The following SP140L variants were observed in gnomAD, a reference collection of about 807,000 sequenced individuals.
The protein encoded by SP140L is SP140 like nuclear body protein, also known as nuclear body protein SP140-like protein.
In SP140L, 64 loss-of-function variants were observed where a neutral mutation model predicts 84.3. The ratio of observed to expected loss-of-function variants is 0.76; its 90% CI spans 0.62 to 0.94. The LOEUF (loss-of-function observed/expected upper bound fraction) is 0.94, where lower values mean the gene tolerates loss of function less well. SP140L is among the 40% of genes least tolerant of loss of function. The probability of loss-of-function intolerance (pLI) is 0.00; values close to 1 mark genes in which losing one functional copy is unlikely to be tolerated. For missense variants in SP140L, 628 were observed against 692.5 expected, an observed-to-expected ratio of 0.91 and a Z score of 1.05; for synonymous variants, 242 against 236.9, an observed-to-expected ratio of 1.02 and a Z score of -0.20.
intron 7 of SP140L, among the ~76,000 whole-genome samples, chr2:230,379,578 C>T (rs1348537385): frequency 1.3e-5 from 2 of 151,564 alleles, no homozygotes; most frequent in South Asian, 2.1e-4. Flanking sequence ...ATGTACTCAC[C>T]ATTGTTCTTT....
rs145218877 is a variant in SP140L, at chr2:230,335,753, G to A, written c.107+6922G>A. On this transcript the variant is annotated intron_variant, in intron 2 of 18. Transcript: ENST00000415673. ...AACACTAGGATGATTGGAGAGGGAC[G>A]GTGTGAAGTCCAGCTCTGCCACTGC... Among the ~76,000 whole-genome samples the A allele has an allele frequency of 6.0e-3, 911 of 152,216 alleles. 5 individuals are homozygous for A. Among genetic ancestry groups the A allele is most frequent in the African/African-American group, 0.021 (858 of 41,534 alleles).
chr2:230,367,959 T>A (rs2060940799), intron 5 of SP140L, among the ~76,000 whole-genome samples: 1 of 152,186 alleles, frequency 6.6e-6, no homozygotes, highest in Non-Finnish European at 1.5e-5. Flanking sequence ...TAGGTATTAT[T>A]TTTAAGTTTT....
chr2:230,403,165 G>T lies in SP140L; in HGVS notation c.*269G>T. ...ACAGACTCTCACCTCTTCTCCTGAGGTCTGCTCCAGACAACATTTATTACT... is the reference window on the plus strand; with the variant it reads ...ACAGACTCTCACCTCTTCTCCTGAGTTCTGCTCCAGACAACATTTATTACT... On this transcript the variant is annotated 3_prime_UTR_variant, in exon 19 of 19. Transcript: ENST00000415673. 2.8e-6 allele frequency: 1 copy of T among 357,332 alleles called. No homozygotes were observed. The highest frequency in any genetic ancestry group is 5.0e-6 in the Non-Finnish European group (1 of 200,310). The allele number at this position is 357,332 out of a possible 1,614,324, so 22.1% of individuals were successfully genotyped here. A position where few individuals can be genotyped will look rare whatever the true frequency, so the allele number is the denominator to read the frequency against.
intron 8 of SP140L, among the ~76,000 whole-genome samples, chr2:230,384,943 A>C (rs986344746): frequency 6.6e-6 from 1 of 152,150 alleles, no homozygotes; most frequent in African/African-American, 2.4e-5. Context: ...AAAAAACAAG[A>C]ATGGGTGTTT....
chr2:230,354,787 G>A (rs1187785851), intron 2 of SP140L, among the ~76,000 whole-genome samples: 1 of 141,260 alleles, frequency 7.1e-6, no homozygotes, highest in African/African-American at 2.7e-5. Flanking sequence ...AGAAGGGGTG[G>A]GGGCGGGGGA....
rs73998794 is a variant in SP140L at position 230,368,977 on chromosome 2, G to T, written c.524-1931G>T. Among the ~76,000 whole-genome samples the T allele has an allele frequency of 9.5e-3, 1,452 of 152,266 alleles. 17 individuals carry two copies. Among genetic ancestry groups the T allele is most frequent in the African/African-American group, 0.03 (1,246 of 41,564 alleles). ...TCATTGCTTTGGGGTGAGCTATGAG[G>T]AGATTATTGTGTCTTTTTGATGGTG... is the stretch of plus-strand genomic sequence containing the variant. On this transcript the variant is annotated intron_variant, in intron 5 of 18. Coordinates refer to ENST00000415673, the MANE Select transcript of SP140L (RefSeq NM_138402.6).
intron 5 of SP140L, among the ~76,000 whole-genome samples, chr2:230,370,320 C>A (rs1001224852): frequency 2.6e-5 from 4 of 152,164 alleles, no homozygotes; most frequent in Admixed American, 2.6e-4. Flanking sequence ...ACTGGGAACT[C>A]TTCTCTGGTC....
chr2:230,354,874 AAAGAAAG>A (rs1189126739), intron 2 of SP140L, among the ~76,000 whole-genome samples: 15 of 140,816 alleles, frequency 1.1e-4, no homozygotes, highest in African/African-American at 3.7e-4. Flanking sequence ...AGAAAGAAAG[AAAGAAAG>A]AAAGAAAGAA....
At position 230,360,588 on chromosome 2, in the gene SP140L, G is replaced by A. The variant is rs564063223; in HGVS notation, c.440-1026G>A. On this transcript the variant is annotated intron_variant, in intron 4 of 18. Transcript: ENST00000415673. ...ATGGTCCAGGCTGCGGGGATGAAGG[G>A]AATAGTGTTACATTTACTGCCCACA... 2.0e-4 allele frequency among the ~76,000 whole-genome samples: 31 copies of A among 152,310 alleles called. No homozygotes were observed. The Middle Eastern group carries it at 0.01, about 50-fold the overall frequency.
At chr2:230,332,534 T>C (rs1559400252) in intron 2 of SP140L, among the ~76,000 whole-genome samples, 1 of 152,240 alleles carries the variant, frequency 6.6e-6, no homozygotes, top group African/African-American at 2.4e-5. Flanking sequence ...TCGTAATACA[T>C]CACAGTTTGA....
Position 230,401,907 on chromosome 2 carries a change from G to T in SP140L, c.1644+100G>T, listed in dbSNP as rs547734237. ...GTTTCCCTCATCCTGTAATAAGCTT[G>T]CACGAGCAAGGGTTCTGGAAGTGAT... On this transcript the variant is annotated intron_variant, in intron 18 of 18. Coordinates refer to ENST00000415673, the MANE Select transcript of SP140L (RefSeq NM_138402.6). 23 of 1,276,524 alleles carry T rather than the reference G, an allele frequency of 1.8e-5. No individual in the cohort carries two copies. In the Admixed American group the frequency reaches 4.8e-4, roughly 27 times the overall value. The allele number at this position is 1,276,524 out of a possible 1,614,324, so 79.1% of individuals were successfully genotyped here.
intron 7 of SP140L, among the ~76,000 whole-genome samples, chr2:230,372,959 G>C (rs947257995): frequency 6.6e-6 from 1 of 152,194 alleles, no homozygotes; most frequent in African/African-American, 2.4e-5. Context: ...TCTTATTGCT[G>C]ATGTGGAGAA....
chr2:230,384,263 G>A (rs915231018), intron 8 of SP140L, among the ~76,000 whole-genome samples: 4 of 152,132 alleles, frequency 2.6e-5, no homozygotes. Flanking sequence ...GAGAATATTT[G>A]TTAACAAATC....
At chr2:230,363,006 G>T (rs914058239) in intron 5 of SP140L, among the ~76,000 whole-genome samples, 1 of 152,086 alleles carries the variant, frequency 6.6e-6, no homozygotes, top group Admixed American at 6.5e-5. Context: ...TGGTGTAAAC[G>T]CACATAAGGA....
chr2:230,336,296 A>G (rs1008183346), intron 2 of SP140L, among the ~76,000 whole-genome samples: 1 of 152,154 alleles, frequency 6.6e-6, no homozygotes, highest in Non-Finnish European at 1.5e-5. Context: ...TCTTTGTTAC[A>G]TTCTTATCTG....
chr2:230,394,444 G>A (rs1039007162), intron 13 of SP140L, among the ~76,000 whole-genome samples: 2 of 152,180 alleles, frequency 1.3e-5, no homozygotes, highest in Admixed American at 6.5e-5. Flanking sequence ...CTGAGATCCA[G>A]GCCTTTACAT....
chr2:230,385,170 T>G, intron 8 of SP140L, 54 bp from the exon 9 acceptor site: 434 of 1,578,824 alleles, frequency 2.7e-4, no homozygotes, highest in Non-Finnish European at 3.3e-4. Context: ...GTCCAGCCTG[T>G]GAGCTGTTGT....
At chr2:230,375,874 T>G (rs2061227027) in intron 7 of SP140L, among the ~76,000 whole-genome samples, 1 of 152,214 alleles carries the variant, frequency 6.6e-6, no homozygotes, top group South Asian at 2.1e-4. Context: ...TTTTCATTTT[T>G]AAAATTATTT....
intron 12 of SP140L, 105 bp from the exon 13 acceptor site, chr2:230,393,309 G>A: frequency 7.9e-7 from 1 of 1,273,852 alleles, no homozygotes; most frequent in Non-Finnish European, 1.1e-6. Context: ...GTTTGAGCTG[G>A]CATTGGAACA....
Sources: gnomAD v4.1 joint callset for allele counts (sites outside exome capture counted in the v4.1 genomes callset) on GRCh38, gnomAD v4.1.1 for gene constraint, MANE v1.5 for transcripts, NCBI Gene and HGNC (gene_info 2026-07-23, HGNC 2026-07-21) for gene names.